Variants in OPCML observed in about 807,000 individuals in gnomAD.
OPCML encodes opioid binding protein/cell adhesion molecule like, also known as opioid-binding protein/cell adhesion molecule.
In OPCML, 13 loss-of-function variants were observed where a neutral mutation model predicts 37.8. That is an observed-to-expected ratio of 0.34 (90% confidence interval 0.22 to 0.55). OPCML has a LOEUF of 0.55. OPCML is among the 20% of genes least tolerant of loss of function. The pLI is 0.91. For synonymous variants in OPCML, 176 were observed against 168.8 expected (o/e 1.04, Z -0.33); for missense variants, 341 against 435.6 (o/e 0.78, Z 1.93).
intron 1 of OPCML, among the ~76,000 whole-genome samples, chr11:133,056,746 T>C (rs1399882191): frequency 6.6e-6 from 1 of 152,244 alleles, no homozygotes; most frequent in Non-Finnish European, 1.5e-5. Context: ...CTATGTATGG[T>C]TCCGTAAGTG....
intron 1 of OPCML, among the ~76,000 whole-genome samples, chr11:133,010,455 C>A (rs952827188): frequency 1.3e-5 from 2 of 152,184 alleles, no homozygotes; most frequent in Non-Finnish European, 2.9e-5. Context: ...ATATTTAAAG[C>A]ATTATTAAAA....
chr11:133,124,102 G>A (rs534719178), intron 1 of OPCML, among the ~76,000 whole-genome samples: 2 of 151,988 alleles, frequency 1.3e-5, no homozygotes, highest in Non-Finnish European at 2.9e-5. Context: ...GGAAATGTAA[G>A]AGAAGAGTGC....
At chr11:132,796,356 C>T (rs1938307850) in intron 2 of OPCML, among the ~76,000 whole-genome samples, 1 of 152,074 alleles carries the variant, frequency 6.6e-6, no homozygotes, top group South Asian at 2.1e-4. Flanking sequence ...AACATTTGCG[C>T]ATAAGTTTTT....
At chr11:132,944,156 C>CG (rs1228758275) in intron 1 of OPCML, among the ~76,000 whole-genome samples, 1 of 151,726 alleles carries the variant, frequency 6.6e-6, no homozygotes, top group Non-Finnish European at 1.5e-5. Flanking sequence ...GAGAACGCGG[C>CG]GCCCCTCGCA....
chr11:133,440,525 A>T (rs1197376550), intron 1 of OPCML, among the ~76,000 whole-genome samples: 1 of 151,558 alleles, frequency 6.6e-6, no homozygotes, highest in African/African-American at 2.4e-5. Context: ...TCAAGAGTTC[A>T]AGACCAGACT....
intron 4 of OPCML, among the ~76,000 whole-genome samples, chr11:132,448,651 G>A (rs1362980179): frequency 6.6e-6 from 1 of 152,194 alleles, no homozygotes; most frequent in Non-Finnish European, 1.5e-5. Flanking sequence ...ACTATGATAA[G>A]CTGACTTCTC....
chr11:133,311,507 G>T (rs939119652), intron 1 of OPCML, among the ~76,000 whole-genome samples: 1 of 152,178 alleles, frequency 6.6e-6, no homozygotes, highest in Non-Finnish European at 1.5e-5. Context: ...AGAAGCTCAG[G>T]TACAATGGGA....
At chr11:132,796,449 T>G (rs1163440413) in intron 2 of OPCML, among the ~76,000 whole-genome samples, 1 of 152,146 alleles carries the variant, frequency 6.6e-6, no homozygotes, top group Non-Finnish European at 1.5e-5. Context: ...TTTAATCTTT[T>G]GAAGACCTGC....
At chr11:133,407,030 A>G (rs893878629) in intron 1 of OPCML, among the ~76,000 whole-genome samples, 1 of 152,148 alleles carries the variant, frequency 6.6e-6, no homozygotes, top group Non-Finnish European at 1.5e-5. Context: ...CAGAATCCAC[A>G]CTGTGATTAA....
intron 2 of OPCML, among the ~76,000 whole-genome samples, chr11:132,888,407 C>T (rs907851066): frequency 2.6e-5 from 4 of 152,140 alleles, no homozygotes; most frequent in African/African-American, 7.2e-5. Context: ...GAAGCACAGC[C>T]ATGCCTTCAG....
chr11:133,127,977 T>C (rs968881540), intron 1 of OPCML, among the ~76,000 whole-genome samples: 1 of 152,044 alleles, frequency 6.6e-6, no homozygotes, highest in Non-Finnish European at 1.5e-5. Context: ...GTTTTTAAGA[T>C]AGGCTGGTCC....
intron 1 of OPCML, among the ~76,000 whole-genome samples, chr11:133,062,175 G>A (rs1266229153): frequency 6.6e-6 from 1 of 152,164 alleles, no homozygotes; most frequent in Non-Finnish European, 1.5e-5. Flanking sequence ...GAAAGCACAG[G>A]AGCAGCTTGC....
Position 132,889,843 on chromosome 11 carries a change from G to T in OPCML, c.146+53083C>A, listed in dbSNP as rs187205174. ...ATATAGGAGATGTCAATAAATGCTT[G>T]CTTCCCGAATGAAAAAGTGAACAGA... On this transcript the variant is annotated intron_variant, in intron 2 of 7. Transcript: ENST00000524381. Among the ~76,000 whole-genome samples, 149 of 152,274 alleles carry T rather than the reference G, an allele frequency of 9.8e-4. 1 individual carries two copies. The highest frequency in any genetic ancestry group is 2.2e-4 in the Non-Finnish European group (15 of 68,024).
At chr11:133,311,353 T>C (rs1343642516) in intron 1 of OPCML, among the ~76,000 whole-genome samples, 1 of 152,208 alleles carries the variant, frequency 6.6e-6, no homozygotes, top group Non-Finnish European at 1.5e-5. Context: ...CTTCTTGTTA[T>C]GCAACATAAC....
At chr11:132,723,588 G>A (rs141543959) in intron 2 of OPCML, among the ~76,000 whole-genome samples, 7 of 152,260 alleles carry the variant, frequency 4.6e-5, no homozygotes, top group African/African-American at 1.2e-4. Context: ...ATAGAATAAT[G>A]TTTAGGAATT....
In OPCML at chr11:132,420,157, GA is replaced by G; in HGVS notation, c.*35del. On this transcript the variant is annotated 3_prime_UTR_variant, in exon 8 of 8. Coordinates refer to ENST00000524381, the MANE Select transcript of OPCML (RefSeq NM_001012393.5). ...TGTAGATTAAAGTCTGTGATATGGA[GA>G]AGCAGGCGTTGCTCAGAGGACCTAG... is the stretch of plus-strand genomic sequence containing the variant. The G allele has an allele frequency of 6.3e-7, 1 of 1,580,902 alleles. No individual in the cohort carries two copies. Among genetic ancestry groups the G allele is most frequent in the Non-Finnish European group, 8.7e-7 (1 of 1,150,780 alleles).
At position 133,173,907 on chromosome 11, in the gene OPCML, G is replaced by A. The variant is rs550679675; in HGVS notation, c.62-230897C>T. Among the ~76,000 whole-genome samples the A allele has an allele frequency of 5.3e-5, 8 of 152,198 alleles. No individual in the cohort carries two copies. In the South Asian group the frequency reaches 1.4e-3, roughly 28 times the overall value. ...GAGGGCTGGAATGAAGATTGGACCG[G>A]GGCCGGCCGGCACTGGAGCAGCCCT... On this transcript the variant is annotated intron_variant, in intron 1 of 7. Coordinates refer to ENST00000524381, the MANE Select transcript of OPCML (RefSeq NM_001012393.5). The surrounding 1 kb of genome is among the most constrained non-coding windows in gnomAD (Gnocchi z 7.8).
chr11:132,468,518 T>C (rs1347481509), intron 4 of OPCML, among the ~76,000 whole-genome samples: 1 of 152,232 alleles, frequency 6.6e-6, no homozygotes, highest in Non-Finnish European at 1.5e-5. Context: ...CTAACACTTG[T>C]AATTGTTATA....
chr11:132,709,507 C>T (rs1460030943), intron 2 of OPCML, among the ~76,000 whole-genome samples: 1 of 152,106 alleles, frequency 6.6e-6, no homozygotes, highest in Non-Finnish European at 1.5e-5. Context: ...TTTAGTTGTC[C>T]TTTTTCCTAA....
Sources: allele counts gnomAD v4.1 joint callset (sites outside exome capture counted in the v4.1 genomes callset), GRCh38; gene constraint gnomAD v4.1.1; non-coding constraint Gnocchi (gnomAD v3.1); transcripts MANE v1.5; gene names NCBI Gene and HGNC (gene_info 2026-07-23, HGNC 2026-07-21).